WWC2: variants seen among roughly 807,000 people sequenced by gnomAD.
WWC2 encodes protein WWC2.
A neutral mutation model predicts 138.5 loss-of-function variants in WWC2; 101 were observed. The ratio of observed to expected loss-of-function variants is 0.73; its 90% CI spans 0.62 to 0.86. The LOEUF (loss-of-function observed/expected upper bound fraction) is 0.86, where lower values mean the gene tolerates loss of function less well. Among genes scored for constraint, WWC2 ranks in the 40% least tolerant of loss-of-function variants. The probability of loss-of-function intolerance (pLI) is 0.00; values close to 1 mark genes in which losing one functional copy is unlikely to be tolerated. For synonymous variants in WWC2, 558 were observed against 538.4 expected (o/e 1.04, Z -0.50); for missense variants, 1,420 against 1,419.4 (o/e 1.00, Z -0.01).
chr4:183,237,658 T>C (rs2111303806), intron 4 of WWC2, among the ~76,000 whole-genome samples: 1 of 152,290 alleles, frequency 6.6e-6, no homozygotes, highest in Middle Eastern at 3.4e-3. Context: ...GTATTTCTTT[T>C]CCCTAATAAA....
chr4:183,170,957 A>C (rs1438696817), intron 1 of WWC2, among the ~76,000 whole-genome samples: 1 of 152,122 alleles, frequency 6.6e-6, no homozygotes, highest in East Asian at 1.9e-4. Context: ...CATTTAGAAA[A>C]AGTAATTTCT....
At chr4:183,220,828 C>T (rs563703620) in intron 4 of WWC2, among the ~76,000 whole-genome samples, 12 of 147,582 alleles carry the variant, frequency 8.1e-5, no homozygotes, top group Admixed American at 4.7e-4. Context: ...AGCGAGACTC[C>T]GTCTCAAAAA....
intron 4 of WWC2, among the ~76,000 whole-genome samples, chr4:183,226,127 C>T (rs141278580): frequency 0.011 from 1,487 of 141,384 alleles, 32 homozygotes; most frequent in African/African-American, 0.038. Context: ...TACAGGGTCT[C>T]GGCTCTGTCA....
intron 19 of WWC2, 32 bp from the exon 20 acceptor site, chr4:183,285,935 A>G (rs1244450002): frequency 6.5e-7 from 1 of 1,546,072 alleles, no homozygotes; most frequent in Non-Finnish European, 8.8e-7. Flanking sequence ...TTTGATATGC[A>G]GTGATTTTTT....
At chr4:183,194,392 C>G (rs1006961406) in intron 2 of WWC2, among the ~76,000 whole-genome samples, 2 of 152,056 alleles carry the variant, frequency 1.3e-5, no homozygotes, top group Non-Finnish European at 2.9e-5. Context: ...ATCTAGCACT[C>G]TATCTACTCC....
rs1015807748 is a variant in WWC2 at position 183,253,638 on chromosome 4, G to A, written c.954-119G>A. 8.9e-6 allele frequency: 11 copies of A among 1,242,234 alleles called. No homozygotes were observed. The African/African-American group carries it at 1.7e-4, about 19-fold the overall frequency. 77.0% of individuals were successfully genotyped at this position (1,242,234 alleles called of 1,614,324 possible). On this transcript the variant is annotated intron_variant, in intron 8 of 22. Coordinates refer to ENST00000403733, the MANE Select transcript of WWC2 (RefSeq NM_024949.6). ...TCACCAGTAGACCACACCTCTTTCT[G>A]GTAAGGTCAAGTTAGGAAAATCTGG...
At chr4:183,284,160 T>C (rs1300319255) in intron 18 of WWC2, 66 bp from the exon 19 acceptor site, 17 of 1,576,014 alleles carry the variant, frequency 1.1e-5, no homozygotes, top group Non-Finnish European at 8.6e-7. Flanking sequence ...TTTTCTTTCT[T>C]AGAAGAAAGG....
chr4:183,226,990 C>T (rs1310262117), intron 4 of WWC2, among the ~76,000 whole-genome samples: 1 of 151,944 alleles, frequency 6.6e-6, no homozygotes, highest in Non-Finnish European at 1.5e-5. Context: ...TCTATTGTGT[C>T]CCTTTCTTGG....
intron 1 of WWC2, among the ~76,000 whole-genome samples, chr4:183,166,803 G>A (rs1734142651): frequency 6.6e-6 from 1 of 152,128 alleles, no homozygotes; most frequent in African/African-American, 2.4e-5. Flanking sequence ...CAAATACTTT[G>A]GGATCCAGGG....
At chr4:183,163,423 A>G (rs536820985) in intron 1 of WWC2, among the ~76,000 whole-genome samples, 2 of 152,356 alleles carry the variant, frequency 1.3e-5, no homozygotes, top group South Asian at 2.1e-4. Flanking sequence ...TAAGAACAGA[A>G]CAACAAATCA....
In WWC2 at chr4:183,271,156, C is replaced by T. The variant is rs150514020; in HGVS notation, c.2477C>T (p.Ser826Phe). 69 of 1,612,948 alleles carry T rather than the reference C, an allele frequency of 4.3e-5. No homozygotes were observed. In the African/African-American group the frequency reaches 8.0e-4, roughly 19 times the overall value. The change falls in exon 16 of 23, where the codon TCC becomes TTC. Residue 826 changes from serine (S) to phenylalanine (F), a missense_variant. Physicochemically the swap from Ser to Phe is radical, Grantham distance 155. Coordinates refer to ENST00000403733, the MANE Select transcript of WWC2 (RefSeq NM_024949.6). ...VFTLWYNLLP[S>F]KQMPCKKNEE... ...ACTCTATGGTATAACTTGCTTCCTT[C>T]CAAGCAAATGCCTTGCAAAAAGAAT... is the stretch of plus-strand genomic sequence containing the variant.
chr4:183,209,112 T>G (rs74468768), intron 4 of WWC2, 87 bp downstream of exon 4: 3 of 922,540 alleles, frequency 3.3e-6, no homozygotes, highest in Middle Eastern at 2.2e-4. Context: ...TCAGTTCTCA[T>G]CTCCATTTGG....
At chr4:183,127,954 C>T (rs1036833657) in intron 1 of WWC2, among the ~76,000 whole-genome samples, 2 of 150,024 alleles carry the variant, frequency 1.3e-5, no homozygotes, top group Non-Finnish European at 3.0e-5. Flanking sequence ...AAGAAATGTA[C>T]ATTATAATTA....
At chr4:183,267,690 C>T (rs564057999) in intron 14 of WWC2, among the ~76,000 whole-genome samples, 1 of 152,304 alleles carries the variant, frequency 6.6e-6, no homozygotes, top group East Asian at 1.9e-4. Flanking sequence ...CATGGTGATA[C>T]CTGCGTAGTG....
At chr4:183,139,509 A>G (rs1406471371) in intron 1 of WWC2, among the ~76,000 whole-genome samples, 1 of 152,208 alleles carries the variant, frequency 6.6e-6, no homozygotes, top group Non-Finnish European at 1.5e-5. Context: ...AGATCAGGCC[A>G]AAAACCTTAC....
intron 4 of WWC2, among the ~76,000 whole-genome samples, chr4:183,224,483 A>G (rs546713831): frequency 6.6e-6 from 1 of 152,336 alleles, no homozygotes; most frequent in South Asian, 2.1e-4. Context: ...AGATGAAATT[A>G]TAAACTGTGC....
chr4:183,131,298 G>GA (rs1409566007), intron 1 of WWC2, among the ~76,000 whole-genome samples: 1 of 151,650 alleles, frequency 6.6e-6, no homozygotes, highest in African/African-American at 2.4e-5. Context: ...AAATACATCA[G>GA]AAAAAATCTT....
chr4:183,286,230 T>TG (rs775522429), intron 20 of WWC2, among the ~76,000 whole-genome samples, 171 bp downstream of exon 20: 1 of 151,902 alleles, frequency 6.6e-6, no homozygotes, highest in Non-Finnish European at 1.5e-5. Flanking sequence ...ACTATGGAGA[T>TG]GGGGGGGTGT....
rs528448875 is a variant in WWC2, at chr4:183,128,043, GA to G, written c.131+28436del. ...GGCAACATAGTGAGACCCCATCTCTGAAAAAAAAAAAAAAAGGCCAGGTGCA... is the reference window on the plus strand; with the variant it reads ...GGCAACATAGTGAGACCCCATCTCTGAAAAAAAAAAAAAAGGCCAGGTGCA... On this transcript the variant is annotated intron_variant, in intron 1 of 22. Coordinates refer to ENST00000403733, the MANE Select transcript of WWC2 (RefSeq NM_024949.6). Among the ~76,000 whole-genome samples, 1,096 of 120,612 alleles carry G rather than the reference GA, an allele frequency of 9.1e-3. 7 individuals carry two copies. Among genetic ancestry groups the G allele is most frequent in the African/African-American group, 8.6e-3 (286 of 33,442 alleles). The allele number at this position is 120,612 out of a possible 152,430, so 79.1% of individuals were successfully genotyped here. A position where few individuals can be genotyped will look rare whatever the true frequency, so the allele number is the denominator to read the frequency against.
Sources: gnomAD v4.1 joint callset for allele counts (sites outside exome capture counted in the v4.1 genomes callset) on GRCh38, gnomAD v4.1.1 for gene constraint, MANE v1.5 for transcripts, NCBI Gene and HGNC (gene_info 2026-07-23, HGNC 2026-07-21) for gene names.